The following FARP1 variants were observed in gnomAD, a reference collection of about 807,000 sequenced individuals.
FARP1 encodes the protein FERM, ARHGEF and pleckstrin domain-containing protein 1.
FARP1 carries 52 observed loss-of-function variants against 128.8 expected under a neutral mutation model. That is an observed-to-expected ratio of 0.40 (90% CI 0.32 to 0.51). FARP1 has a LOEUF of 0.51. Among genes scored for constraint, FARP1 ranks in the 20% least tolerant of loss-of-function variants. The probability of loss-of-function intolerance (pLI) is 0.45; values close to 1 mark genes in which losing one functional copy is unlikely to be tolerated. For synonymous variants in FARP1, 580 were observed against 551.8 expected, an observed-to-expected ratio of 1.05 and a Z score of -0.72; for missense variants, 1,333 against 1,367.9, an observed-to-expected ratio of 0.97 and a Z score of 0.40.
intron 1 of FARP1, among the ~76,000 whole-genome samples, chr13:98,158,865 G>A (rs1455077339): frequency 1.3e-5 from 2 of 152,110 alleles, no homozygotes; most frequent in East Asian, 1.9e-4. Flanking sequence ...GTTTGTGGCC[G>A]CACCTGCCTG....
intron 13 of FARP1, chr13:98,395,874 C>T (rs1291945316): frequency 2.5e-6 from 1 of 400,214 alleles, no homozygotes; most frequent in Non-Finnish European, 4.4e-6. Flanking sequence ...CATTGTCTCC[C>T]AGCAGCAGCA....
At chr13:98,309,244 G>T (rs1270786988) in intron 2 of FARP1, among the ~76,000 whole-genome samples, 7 of 124,356 alleles carry the variant, frequency 5.6e-5, no homozygotes, top group African/African-American at 2.2e-4. Context: ...TCGGCTCACT[G>T]CAAGCTCCGC....
At chr13:98,276,891 G>A (rs1262577908) in intron 2 of FARP1, among the ~76,000 whole-genome samples, 2 of 133,538 alleles carry the variant, frequency 1.5e-5, no homozygotes, top group Admixed American at 7.1e-5. Flanking sequence ...TGGGAGGAAG[G>A]TAAAAAGGGG....
intron 1 of FARP1, among the ~76,000 whole-genome samples, chr13:98,178,562 A>G (rs1473547432): frequency 6.6e-6 from 1 of 152,206 alleles, no homozygotes; most frequent in African/African-American, 2.4e-5. Flanking sequence ...TCATTTATAT[A>G]ATGTAAATGG....
At chr13:98,429,013 T>C (rs1891900385) in intron 17 of FARP1, among the ~76,000 whole-genome samples, 1 of 152,232 alleles carries the variant, frequency 6.6e-6, no homozygotes, top group African/African-American at 2.4e-5. Context: ...GGTGTTGATA[T>C]TGTACTCTAG....
intron 1 of FARP1, among the ~76,000 whole-genome samples, chr13:98,188,682 G>A (rs1304009029): frequency 6.6e-6 from 1 of 152,142 alleles, no homozygotes; most frequent in African/African-American, 2.4e-5. Flanking sequence ...TGACCTGCGG[G>A]TCCCCTGTGG....
At chr13:98,230,415 A>G (rs1375410907) in intron 2 of FARP1, among the ~76,000 whole-genome samples, 6 of 152,226 alleles carry the variant, frequency 3.9e-5, no homozygotes, top group African/African-American at 1.4e-4. Context: ...TCAGTCAACC[A>G]AACAAAAGCA....
At chr13:98,247,803 G>A (rs115009026) in intron 2 of FARP1, among the ~76,000 whole-genome samples, 2 of 152,172 alleles carry the variant, frequency 1.3e-5, no homozygotes, top group Admixed American at 6.5e-5. Flanking sequence ...ACAGGGGCAA[G>A]ATGTCCGCAG....
chr13:98,236,315 A>G (rs538641167), intron 2 of FARP1, among the ~76,000 whole-genome samples: 12 of 152,226 alleles, frequency 7.9e-5, no homozygotes, highest in African/African-American at 2.7e-4. Context: ...ACGAAAAAGA[A>G]CTATGCTTCC....
chr13:98,361,363 C>T (rs544423798), intron 3 of FARP1, among the ~76,000 whole-genome samples: 6 of 152,322 alleles, frequency 3.9e-5, no homozygotes, highest in African/African-American at 1.4e-4. Flanking sequence ...CACATGCTCC[C>T]TTGGCTCAAA....
intron 17 of FARP1, among the ~76,000 whole-genome samples, chr13:98,427,984 T>C (rs1891850179): frequency 6.6e-6 from 1 of 152,168 alleles, no homozygotes; most frequent in Non-Finnish European, 1.5e-5. Flanking sequence ...TCCAGAAATG[T>C]GAGAAGCCCA....
chr13:98,361,525 C>G (rs934578429), intron 3 of FARP1, among the ~76,000 whole-genome samples: 11 of 152,178 alleles, frequency 7.2e-5, no homozygotes, highest in African/African-American at 2.7e-4. Flanking sequence ...TGTGGCCACC[C>G]TGGCAGTGGC....
At chr13:98,384,988 T>C (rs937520258) in intron 7 of FARP1, 144 bp downstream of exon 7, 42 of 617,018 alleles carry the variant, frequency 6.8e-5, no homozygotes, top group African/African-American at 2.9e-4. Flanking sequence ...CAGAGGCTCA[T>C]TGGGATGTGG....
intron 2 of FARP1, among the ~76,000 whole-genome samples, chr13:98,233,033 G>C (rs1882218369): frequency 5.3e-5 from 8 of 152,220 alleles, no homozygotes. Context: ...CTGTAAGCGA[G>C]CACTTGCCTG....
intron 3 of FARP1, among the ~76,000 whole-genome samples, chr13:98,344,505 C>T (rs560706412): frequency 2.6e-5 from 4 of 152,218 alleles, no homozygotes; most frequent in South Asian, 2.1e-4. Flanking sequence ...CAGGGGCATC[C>T]GTGGCATTCA....
In FARP1 at chr13:98,255,270, C is replaced by T. The variant is rs189690152; in HGVS notation, c.171+41857C>T. 7.9e-4 allele frequency among the ~76,000 whole-genome samples: 120 copies of T among 152,178 alleles called. 4 individuals are homozygous for T. In the East Asian group the frequency reaches 0.023, roughly 29 times the overall value. On this transcript the variant is annotated intron_variant, in intron 2 of 26. Transcript: ENST00000319562. ...ATCCCAGCACTTTGGGAGGTGGAGG[C>T]GGGCGGATCACAAGGTCAGGAGATC...
At chr13:98,166,150 C>G (rs146611516) in intron 1 of FARP1, among the ~76,000 whole-genome samples, 7 of 152,152 alleles carry the variant, frequency 4.6e-5, no homozygotes, top group Non-Finnish European at 8.8e-5. Context: ...TGGCCTCATT[C>G]TTTTTATCGG....
chr13:98,404,247 C>G (rs1747478482), intron 13 of FARP1: 1 of 152,186 alleles, frequency 6.6e-6, no homozygotes, highest in African/African-American at 2.4e-5. Context: ...TGAAACTTTT[C>G]TTAAAGGAAC....
chr13:98,159,921 T>C (rs1327837440), intron 1 of FARP1, among the ~76,000 whole-genome samples: 1 of 152,172 alleles, frequency 6.6e-6, no homozygotes, highest in African/African-American at 2.4e-5. Context: ...AGGATGAAAA[T>C]CTGGTCAATC....
Sources: gnomAD v4.1 joint callset for allele counts (sites outside exome capture counted in the v4.1 genomes callset) on GRCh38, gnomAD v4.1.1 for gene constraint, MANE v1.5 for transcripts, NCBI Gene and HGNC (gene_info 2026-07-23, HGNC 2026-07-21) for gene names.